Variants in VIPR2 observed in about 807,000 individuals in gnomAD.
VIPR2 encodes vasoactive intestinal peptide receptor 2, also known as vasoactive intestinal polypeptide receptor 2.
A neutral mutation model predicts 58.0 loss-of-function variants in VIPR2; 48 were observed. The ratio of observed to expected loss-of-function variants is 0.83; its 90% CI spans 0.66 to 1.05. The LOEUF (loss-of-function observed/expected upper bound fraction) is 1.05. Among genes scored for constraint, VIPR2 ranks in the 50% least tolerant of loss-of-function variants. The pLI is 0.00. For synonymous variants in VIPR2, 243 were observed against 235.2 expected, an observed-to-expected ratio of 1.03 and a Z score of -0.30; for missense variants, 534 against 558.0, an observed-to-expected ratio of 0.96 and a Z score of 0.43.
chr7:159,034,243 T>A lies in VIPR2; in HGVS notation c.941A>T (p.Asp314Val), dbSNP rs745321835. ...CTGAGACTGGTCGTTGCCGCCGACA[T>A]CTGGGGATGTTAACTTCTGCAGCAA... Reference protein sequence around the residue: ...RILLQKLTSPDVGGNDQSQYK... With the variant: ...RILLQKLTSPVVGGNDQSQYK... The change falls in exon 10 of 13, where the codon GAT becomes GTT. Residue 314 changes from aspartate (D) to valine (V), a missense_variant. Around this residue, in one of 3 missense-constraint regions of VIPR2, gnomAD observed 306 missense variants for 285.8 expected, o/e 1.07. Coordinates refer to ENST00000262178, the MANE Select transcript of VIPR2 (RefSeq NM_003382.5). 1 of 1,614,078 alleles carries A rather than the reference T, an allele frequency of 6.2e-7. No individual in the cohort carries two copies. The highest frequency in any genetic ancestry group is 1.7e-5 in the Admixed American group (1 of 60,028).
chr7:159,091,269 C>T (rs929583021), intron 4 of VIPR2, among the ~76,000 whole-genome samples: 4 of 152,242 alleles, frequency 2.6e-5, no homozygotes, highest in South Asian at 4.1e-4. Flanking sequence ...GCTGATGTCT[C>T]GACTGCTCGT....
intron 3 of VIPR2, among the ~76,000 whole-genome samples, chr7:159,107,629 C>G (rs1342757937): frequency 1.3e-5 from 2 of 152,072 alleles, no homozygotes; most frequent in Admixed American, 1.3e-4. Flanking sequence ...AGGAGCTGCC[C>G]GCTGCTTCTG....
intron 12 of VIPR2, 107 bp from the exon 13 acceptor site, chr7:159,030,896 G>A (rs933724383): frequency 6.7e-6 from 9 of 1,343,876 alleles, no homozygotes; most frequent in African/African-American, 3.0e-5. Flanking sequence ...GCCTGCTCCC[G>A]TATCTGTGTT....
At chr7:159,103,070 G>A (rs531748780) in intron 4 of VIPR2, among the ~76,000 whole-genome samples, 1 of 152,226 alleles carries the variant, frequency 6.6e-6, no homozygotes, top group African/African-American at 2.4e-5. Context: ...AAGTTTGCAC[G>A]GATGGACCAG....
chr7:159,123,534 T>C (rs1796546857), intron 2 of VIPR2, among the ~76,000 whole-genome samples: 2 of 152,158 alleles, frequency 1.3e-5, no homozygotes, highest in Admixed American at 1.3e-4. Flanking sequence ...ATGTACCACA[T>C]TTTCTTTATC....
intron 5 of VIPR2, among the ~76,000 whole-genome samples, chr7:159,048,316 T>C (rs1273251552): frequency 6.6e-6 from 1 of 152,240 alleles, no homozygotes; most frequent in African/African-American, 2.4e-5. Context: ...GATCAACTCT[T>C]TCTAAAAATG....
chr7:159,036,121 T>A, intron 7 of VIPR2, 109 bp from the exon 8 acceptor site: 1 of 1,276,884 alleles, frequency 7.8e-7, no homozygotes, highest in Non-Finnish European at 1.1e-6. Context: ...ACGGGAATAT[T>A]AAGTGCAATC....
chr7:159,142,337 C>G, intron 2 of VIPR2, 109 bp downstream of exon 2: 1 of 629,640 alleles, frequency 1.6e-6, no homozygotes, highest in Non-Finnish European at 2.6e-6. Flanking sequence ...CTTTCTTTTT[C>G]TTTTTTTTTT....
At chr7:159,048,609 T>C (rs1854788620) in intron 5 of VIPR2, among the ~76,000 whole-genome samples, 1 of 152,252 alleles carries the variant, frequency 6.6e-6, no homozygotes, top group Admixed American at 6.5e-5. Flanking sequence ...TGATTACATA[T>C]TGAAGTAGTA....
chr7:159,132,223 C>T (rs372738636), intron 2 of VIPR2, among the ~76,000 whole-genome samples: 25 of 144,292 alleles, frequency 1.7e-4, no homozygotes, highest in East Asian at 7.9e-4. Flanking sequence ...CCAGGAGCAG[C>T]GAGTAACCAG....
In VIPR2 at chr7:159,098,318, G is replaced by A. The variant is rs111901495; in HGVS notation, c.357+5439C>T. ...GCTCGAGAACTGTGGCTTACAGTGC[G>A]GGTGGGCAAGCGGAGAGGAGCAGCT... On this transcript the variant is annotated intron_variant, in intron 4 of 12. Transcript: ENST00000262178. The surrounding 1 kb of genome is among the most constrained non-coding windows in gnomAD (Gnocchi z 5.2). Among the ~76,000 whole-genome samples, 9 of 152,282 alleles carry A rather than the reference G, an allele frequency of 5.9e-5. No homozygotes were observed. Among genetic ancestry groups the A allele is most frequent in the African/African-American group, 1.9e-4 (8 of 41,570 alleles).
At chr7:159,144,557 C>T (rs745955107) in intron 1 of VIPR2, 164 bp downstream of exon 1, 3 of 1,460,696 alleles carry the variant, frequency 2.1e-6, no homozygotes, top group South Asian at 1.4e-5. Flanking sequence ...TTCACGCTCT[C>T]CGGGAGGAAG....
At chr7:159,058,606 G>A (rs773952646) in intron 4 of VIPR2, 28 bp from the exon 5 acceptor site, 2 of 1,518,702 alleles carry the variant, frequency 1.3e-6, no homozygotes, top group Admixed American at 3.3e-5. Context: ...AGATCTGTAA[G>A]CTGAGGGTGA....
intron 2 of VIPR2, among the ~76,000 whole-genome samples, chr7:159,122,381 G>A (rs935226294): frequency 6.6e-6 from 1 of 152,258 alleles, no homozygotes; most frequent in Non-Finnish European, 1.5e-5. Flanking sequence ...AGGGGCAAGT[G>A]TGCTCCCATC....
rs148398129 is a variant in VIPR2 at position 159,111,364 on chromosome 7, C to A, written c.152-1445G>T. ...ATTTTGAAGGTTCAGCTTTTTATCA[C>A]AAAATGACAAATTTCTACCTTGATA... On this transcript the variant is annotated intron_variant, in intron 2 of 12. Coordinates refer to ENST00000262178, the MANE Select transcript of VIPR2 (RefSeq NM_003382.5). 5.3e-3 allele frequency among the ~76,000 whole-genome samples: 812 copies of A among 152,298 alleles called. 3 individuals carry two copies. The highest frequency in any genetic ancestry group is 0.018 in the African/African-American group (765 of 41,554).
rs185310042 is a variant in VIPR2 at position 159,127,426 on chromosome 7, A to G, written c.151+15020T>C. Among the ~76,000 whole-genome samples the G allele has an allele frequency of 3.9e-5, 6 of 152,342 alleles. No homozygotes were observed. Among genetic ancestry groups the G allele is most frequent in the Admixed American group, 3.9e-4 (6 of 15,304 alleles). ...TAACCAAAACTATTAAATGAACAAG[A>G]GGATTTTTCAAAGTAACGTTTATAG... On this transcript the variant is annotated intron_variant, in intron 2 of 12. Transcript: ENST00000262178. The surrounding 1 kb of genome is among the most constrained non-coding windows in gnomAD (Gnocchi z 4.6).
chr7:159,050,791 C>T (rs1017617113), intron 5 of VIPR2, among the ~76,000 whole-genome samples: 14 of 69,814 alleles, frequency 2.0e-4, no homozygotes, highest in African/African-American at 4.5e-4. Context: ...TCTACAAACC[C>T]CAAGAAGGAG....
chr7:159,136,045 T>G (rs982930991), intron 2 of VIPR2, among the ~76,000 whole-genome samples: 3 of 152,166 alleles, frequency 2.0e-5, no homozygotes, highest in Admixed American at 2.0e-4. Flanking sequence ...AGAGCTGCAG[T>G]CTGCTCATGT....
At chr7:159,135,695 C>T (rs967428049) in intron 2 of VIPR2, among the ~76,000 whole-genome samples, 2 of 148,862 alleles carry the variant, frequency 1.3e-5, no homozygotes, top group South Asian at 2.2e-4. Context: ...TGGTGACAGG[C>T]GCCTGTAATC....
Sources: allele counts gnomAD v4.1 joint callset (sites outside exome capture counted in the v4.1 genomes callset), GRCh38; gene constraint gnomAD v4.1.1; regional missense constraint gnomAD v4.1.1; non-coding constraint Gnocchi (gnomAD v3.1); transcripts MANE v1.5; gene names NCBI Gene and HGNC (gene_info 2026-07-23, HGNC 2026-07-21).